The following BARD1 variants were observed in gnomAD, a reference collection of about 807,000 sequenced individuals.
BARD1 encodes the protein BRCA1 associated RING domain 1, also known as BRCA1-associated RING domain protein 1.
BARD1 carries 73 observed loss-of-function variants against 77.0 expected under a neutral mutation model. The ratio of observed to expected loss-of-function variants is 0.95; its 90% CI spans 0.79 to 1.15. The LOEUF (loss-of-function observed/expected upper bound fraction) is 1.15. Ranked by LOEUF, BARD1 falls within the 50% of genes most tolerant of loss-of-function variation. The pLI, the probability that BARD1 is intolerant of heterozygous loss-of-function variation, is 0.00. For synonymous variants in BARD1, 384 were observed against 338.0 expected (o/e 1.14, Z -1.49); for missense variants, 993 against 938.8 (o/e 1.06, Z -0.75).
Position 214,809,525 on chromosome 2 carries a change from G to T in BARD1, c.45C>A (p.Arg15=), listed in dbSNP as rs786201402. 3.8e-6 allele frequency: 6 copies of T among 1,589,236 alleles called. No individual in the cohort carries two copies. In the East Asian group the frequency reaches 1.4e-4, roughly 36 times the overall value. Reference sequence around the variant, plus strand: ...GCGCGGAACGAGGCTCGTTCCCGGAGCGGATCCTCGGCTGCCGGTTCCTCG... The same window carrying T: ...GCGCGGAACGAGGCTCGTTCCCGGATCGGATCCTCGGCTGCCGGTTCCTCG... ...RQPRNRQPRI[R]SGNEPRSAPA... is the part of the protein sequence containing the mutation. Residue 15 remains arginine (R), a synonymous_variant, in exon 1 of 11, where the codon CGC becomes CGA. Coordinates refer to ENST00000260947, the MANE Select transcript of BARD1 (RefSeq NM_000465.4).
chr2:214,732,811 T>C (rs1164456415), intron 9 of BARD1, among the ~76,000 whole-genome samples: 1 of 152,186 alleles, frequency 6.6e-6, no homozygotes, highest in Non-Finnish European at 1.5e-5. Flanking sequence ...TATGGCATAA[T>C]CGGTTTTAAA....
intron 7 of BARD1, among the ~76,000 whole-genome samples, chr2:214,749,740 A>C (rs1360750377): frequency 6.6e-6 from 1 of 151,864 alleles, no homozygotes; most frequent in African/African-American, 2.4e-5. Context: ...AGTTTTAAGA[A>C]ATGTGAGTTT....
chr2:214,802,222 G>A (rs1418312845), intron 1 of BARD1, among the ~76,000 whole-genome samples: 2 of 151,998 alleles, frequency 1.3e-5, no homozygotes. Context: ...TACAATGCTG[G>A]GCCACAGCAG....
intron 3 of BARD1, among the ~76,000 whole-genome samples, chr2:214,785,121 T>A (rs1164264965): frequency 6.6e-6 from 1 of 152,004 alleles, no homozygotes; most frequent in Non-Finnish European, 1.5e-5. Context: ...CTCCCATTTT[T>A]ACCTGTTTGG....
chr2:214,791,040 TC>T (rs1296737616), intron 3 of BARD1, among the ~76,000 whole-genome samples: 1 of 152,196 alleles, frequency 6.6e-6, no homozygotes, highest in African/African-American at 2.4e-5. Flanking sequence ...ACAGAATTTT[TC>T]TTCAGTGTGT....
At chr2:214,799,111 T>C (rs1228512052) in intron 1 of BARD1, among the ~76,000 whole-genome samples, 2 of 151,972 alleles carry the variant, frequency 1.3e-5, no homozygotes, top group African/African-American at 4.8e-5. Flanking sequence ...AGCGAGACCC[T>C]GTATCAAAAA....
At chr2:214,790,644 A>G (rs566882765) in intron 3 of BARD1, among the ~76,000 whole-genome samples, 1 of 152,322 alleles carries the variant, frequency 6.6e-6, no homozygotes, top group East Asian at 1.9e-4. Flanking sequence ...AGTTCTAGCA[A>G]ATGAATACAT....
intron 1 of BARD1, among the ~76,000 whole-genome samples, chr2:214,808,577 G>C (rs933908504): frequency 6.6e-6 from 1 of 152,190 alleles, no homozygotes; most frequent in African/African-American, 2.4e-5. Context: ...GAAATACTTA[G>C]CTGTACACAC....
chr2:214,752,260 A>G (rs1422047379), intron 7 of BARD1, among the ~76,000 whole-genome samples, 187 bp downstream of exon 7: 1 of 152,220 alleles, frequency 6.6e-6, no homozygotes, highest in Non-Finnish European at 1.5e-5. Context: ...AGTGGGCTCA[A>G]TAAGTATTTC....
chr2:214,744,375 G>C (rs1337237880), intron 9 of BARD1, among the ~76,000 whole-genome samples: 1 of 152,108 alleles, frequency 6.6e-6, no homozygotes, highest in Non-Finnish European at 1.5e-5. Flanking sequence ...TGTTATGCAG[G>C]TAATCATAAA....
chr2:214,746,927 A>C (rs1208662471), intron 7 of BARD1, among the ~76,000 whole-genome samples: 2 of 152,288 alleles, frequency 1.3e-5, no homozygotes, highest in East Asian at 1.9e-4. Context: ...CAACCTACAG[A>C]ATGGGAGAAA....
chr2:214,751,133 ATATATATATATATATATAT>A (rs1559392987), intron 7 of BARD1, among the ~76,000 whole-genome samples: 203 of 16,288 alleles, frequency 0.012, 9 homozygotes, highest in African/African-American at 0.026. Context: ...ATATATATAT[ATATATATATATATATATAT>A]TTTTTTTTTT....
At chr2:214,807,771 C>G (rs1230668570) in intron 1 of BARD1, among the ~76,000 whole-genome samples, 1 of 152,104 alleles carries the variant, frequency 6.6e-6, no homozygotes, top group Non-Finnish European at 1.5e-5. Flanking sequence ...TCAATAGTGT[C>G]AAAGCTAGAA....
chr2:214,785,033 A>T (rs993767805), intron 3 of BARD1, among the ~76,000 whole-genome samples: 6 of 150,714 alleles, frequency 4.0e-5, no homozygotes, highest in African/African-American at 1.5e-4. Flanking sequence ...AAAAAAAAAA[A>T]AAGAAAGAAA....
chr2:214,808,374 A>T (rs139305834), intron 1 of BARD1, among the ~76,000 whole-genome samples: 9,966 of 152,288 alleles, frequency 0.065, 422 homozygotes, highest in African/African-American at 0.13. Context: ...GTGCCACTGC[A>T]CTCCAGCCTG....
intron 4 of BARD1, among the ~76,000 whole-genome samples, chr2:214,771,070 T>C (rs3768716): frequency 0.17 from 25,172 of 152,210 alleles, 2,486 homozygotes; most frequent in South Asian, 0.23. Flanking sequence ...GAAGGAGGCA[T>C]TTATGCAGCG....
intron 4 of BARD1, among the ~76,000 whole-genome samples, chr2:214,779,876 C>T (rs1180150188): frequency 6.6e-6 from 1 of 152,204 alleles, no homozygotes; most frequent in African/African-American, 2.4e-5. Context: ...GCTATGGTGC[C>T]TACTGCTCTA....
intron 9 of BARD1, among the ~76,000 whole-genome samples, chr2:214,741,359 A>AC (rs1692818233): frequency 6.6e-6 from 1 of 152,174 alleles, no homozygotes; most frequent in Non-Finnish European, 1.5e-5. Context: ...AATTTATTTT[A>AC]GAAAAAAAGG....
chr2:214,746,581 AAT>A (rs1693127262), intron 7 of BARD1, among the ~76,000 whole-genome samples: 1 of 134,030 alleles, frequency 7.5e-6, no homozygotes, highest in African/African-American at 2.6e-5. Context: ...TCCAGGAAAC[AAT>A]ATATGTCCAT....
Sources: gnomAD v4.1 joint callset for allele counts (sites outside exome capture counted in the v4.1 genomes callset) on GRCh38, gnomAD v4.1.1 for gene constraint, MANE v1.5 for transcripts, NCBI Gene and HGNC (gene_info 2026-07-23, HGNC 2026-07-21) for gene names.